FAM120B: variants seen among roughly 807,000 people sequenced by gnomAD.
The protein encoded by FAM120B is constitutive coactivator of peroxisome proliferator-activated receptor gamma.
FAM120B carries 83 observed loss-of-function variants against 96.3 expected under a neutral mutation model. The observed-to-expected ratio is 0.86, with a 90% confidence interval of 0.72 to 1.03. The LOEUF (loss-of-function observed/expected upper bound fraction) is 1.03, where lower values mean the gene tolerates loss of function less well. Ranked by LOEUF, FAM120B falls within the 50% of genes least tolerant of loss-of-function variation. The pLI, the probability that FAM120B is intolerant of heterozygous loss-of-function variation, is 0.00. For missense variants in FAM120B, 1,027 were observed against 1,121.2 expected (o/e 0.92, Z 1.20); for synonymous variants, 407 against 402.7 (o/e 1.01, Z -0.13).
At chr6:170,369,012 A>G (rs1788999248) in intron 6 of FAM120B, among the ~76,000 whole-genome samples, 1 of 145,446 alleles carries the variant, frequency 6.9e-6, no homozygotes, top group Non-Finnish European at 1.5e-5. Flanking sequence ...TTTAGCCTTC[A>G]GCATAAGAAA....
upstream of FAM120B, among the ~76,000 whole-genome samples, chr6:170,291,511 G>T (rs1783872421): frequency 6.6e-6 from 1 of 152,256 alleles, no homozygotes; most frequent in African/African-American, 2.4e-5. Context: ...GCTTCCTAAG[G>T]AGGAGTCTCT....
In FAM120B at chr6:170,338,290, C is replaced by A. The variant is rs143292697; in HGVS notation, c.2017+7740C>A. 1.4e-3 allele frequency among the ~76,000 whole-genome samples: 210 copies of A among 152,154 alleles called. 1 individual carries two copies. Among genetic ancestry groups the A allele is most frequent in the African/African-American group, 4.9e-3 (203 of 41,502 alleles). On this transcript the variant is annotated intron_variant, in intron 4 of 10. Coordinates refer to ENST00000476287, the MANE Select transcript of FAM120B (RefSeq NM_032448.3). ...TTTCTGCCTTAATTTTGTTATTTACCCAGTAGTCATTCAGGAGCAGGCTGC... is the reference window on the plus strand; with the variant it reads ...TTTCTGCCTTAATTTTGTTATTTACACAGTAGTCATTCAGGAGCAGGCTGC...
chr6:170,302,398 G>A (rs972050259), upstream of FAM120B, among the ~76,000 whole-genome samples: 6 of 152,196 alleles, frequency 3.9e-5, no homozygotes, highest in Non-Finnish European at 7.3e-5. Flanking sequence ...AGGAACTACA[G>A]TTCAAGATGA....
At chr6:170,386,706 T>C (rs1790204974) in intron 6 of FAM120B, among the ~76,000 whole-genome samples, 1 of 152,222 alleles carries the variant, frequency 6.6e-6, no homozygotes, top group African/African-American at 2.4e-5. Flanking sequence ...ACGCCCTTTC[T>C]TCCAGAGAGC....
chr6:170,310,206 T>TTAGAG lies in FAM120B; in HGVS notation c.-22+3364_-22+3365insTAGAG, dbSNP rs748514464. On this transcript the variant is annotated intron_variant, in intron 1 of 10. Coordinates refer to ENST00000476287, the MANE Select transcript of FAM120B (RefSeq NM_032448.3). ...TGTCTTGTGAGTAAGTTGTTTATGC[T>TTAGAG]GCATCAGCCTCTAAGGGGTTTTGTA... is the stretch of plus-strand genomic sequence containing the variant. 1.4e-3 allele frequency among the ~76,000 whole-genome samples: 209 copies of TTAGAG among 152,356 alleles called. No individual in the cohort carries two copies. In the Middle Eastern group the frequency reaches 0.024, roughly 17 times the overall value.
At chr6:170,327,843 T>C (rs554193376) in intron 3 of FAM120B, among the ~76,000 whole-genome samples, 23 of 147,876 alleles carry the variant, frequency 1.6e-4, no homozygotes, top group Non-Finnish European at 2.7e-4. Context: ...GGTGAGTCCA[T>C]GAGTGAGTGA....
At chr6:170,381,414 T>G (rs1287650037) in intron 6 of FAM120B, among the ~76,000 whole-genome samples, 5 of 152,032 alleles carry the variant, frequency 3.3e-5, no homozygotes, top group Non-Finnish European at 7.4e-5. Flanking sequence ...TCAAAAGAGG[T>G]CTCTAGCCCA....
chr6:170,400,839 G>C (rs1450363391), intron 9 of FAM120B, among the ~76,000 whole-genome samples: 1 of 152,182 alleles, frequency 6.6e-6, no homozygotes, highest in African/African-American at 2.4e-5. Context: ...GTGTGGCCTG[G>C]CGGGAGCAGA....
chr6:170,300,094 T>C (rs939768889), intron 1 of FAM120B, among the ~76,000 whole-genome samples: 1 of 152,348 alleles, frequency 6.6e-6, no homozygotes. Flanking sequence ...GTTACCTGTA[T>C]TAGTCTGTTC....
At chr6:170,398,627 T>G in intron 9 of FAM120B, among the ~76,000 whole-genome samples, 2 of 139,992 alleles carry the variant, frequency 1.4e-5, no homozygotes, top group African/African-American at 2.8e-5. Flanking sequence ...TCGGAGTGAG[T>G]GGGAAAGGTA....
chr6:170,360,650 A>T (rs1788293849), intron 6 of FAM120B, among the ~76,000 whole-genome samples: 1 of 152,096 alleles, frequency 6.6e-6, no homozygotes, highest in Non-Finnish European at 1.5e-5. Context: ...GTTCTGTTAG[A>T]AGTGGGACCT....
At chr6:170,328,399 G>C (rs1205958783) in intron 3 of FAM120B, among the ~76,000 whole-genome samples, 1 of 152,206 alleles carries the variant, frequency 6.6e-6, no homozygotes, top group African/African-American at 2.4e-5. Context: ...GGTTTATGCA[G>C]TACAGGACTG....
chr6:170,379,859 G>C (rs537343839), intron 6 of FAM120B, among the ~76,000 whole-genome samples: 2 of 152,112 alleles, frequency 1.3e-5, no homozygotes, highest in African/African-American at 4.8e-5. Flanking sequence ...ATGTGTGTGT[G>C]GTAAAAGCAC....
intron 1 of FAM120B, among the ~76,000 whole-genome samples, chr6:170,311,873 C>G (rs1206829558): frequency 2.0e-5 from 3 of 152,204 alleles, no homozygotes; most frequent in Non-Finnish European, 4.4e-5. Context: ...TGGAGAAAAA[C>G]TACCAATATG....
At chr6:170,295,249 AAC>A (rs1053282345), upstream of FAM120B, 2 of 596,814 alleles carry the variant, frequency 3.4e-6, no homozygotes, top group African/African-American at 1.9e-5. This position sits in a 1 kb window ranked among gnomAD's most constrained non-coding sequence, Gnocchi z 7.8. Flanking sequence ...CTTACCCCCC[AAC>A]ACACACACTC....
intron 9 of FAM120B, among the ~76,000 whole-genome samples, chr6:170,402,661 T>C (rs1436087264): frequency 6.6e-6 from 1 of 152,230 alleles, no homozygotes; most frequent in African/African-American, 2.4e-5. Flanking sequence ...AGGAGACAGT[T>C]GGGCTACATG....
At chr6:170,319,186 A>C in intron 2 of FAM120B, 62 bp downstream of exon 2, 1 of 1,453,544 alleles carries the variant, frequency 6.9e-7, no homozygotes, top group South Asian at 1.4e-5. Context: ...TGGATTTGTT[A>C]GTGAAGATCC....
At chr6:170,389,068 AAG>A (rs1488833696) in intron 7 of FAM120B, among the ~76,000 whole-genome samples, 2 of 152,080 alleles carry the variant, frequency 1.3e-5, no homozygotes, top group Admixed American at 1.3e-4. Context: ...GAGAAGGAGG[AAG>A]AGGGGTGGGT....
rs1783971458 is a variant in FAM120B, at chr6:170,295,332, G to T, written c.-74G>T. 1.4e-6 allele frequency: 1 copy of T among 696,106 alleles called. No individual in the cohort carries two copies. The highest frequency in any genetic ancestry group is 2.6e-6 in the Non-Finnish European group (1 of 381,844). 43.1% of individuals were successfully genotyped at this position (696,106 alleles called of 1,614,324 possible). ...ACAGATGTGTTCACACTCGGTTGCC[G>T]CGCGTGGACTTACAAGCCCACGAAG... On this transcript the variant is annotated 5_prime_UTR_variant, in exon 1 of 11. Coordinates refer to the FAM120B transcript ENST00000537664. The surrounding 1 kb of genome is among the most constrained non-coding windows in gnomAD (Gnocchi z 7.8).
Sources: gnomAD v4.1 joint callset for allele counts (sites outside exome capture counted in the v4.1 genomes callset) on GRCh38, gnomAD v4.1.1 for gene constraint, Gnocchi (gnomAD v3.1) non-coding constraint, MANE v1.5 for transcripts, NCBI Gene and HGNC (gene_info 2026-07-23, HGNC 2026-07-21) for gene names.